The following CHRDL2 variants were observed in gnomAD, a reference collection of about 807,000 sequenced individuals.
CHRDL2 encodes chordin like 2.
CHRDL2 carries 41 observed loss-of-function variants against 54.3 expected under a neutral mutation model. That is an observed-to-expected ratio of 0.76 (90% confidence interval 0.59 to 0.98). CHRDL2 has a LOEUF of 0.98. CHRDL2 is among the 50% of genes least tolerant of loss of function. The pLI is 0.00. For synonymous variants in CHRDL2, 220 were observed against 224.3 expected (o/e 0.98, Z 0.17); for missense variants, 518 against 562.4 (o/e 0.92, Z 0.80).
At chr11:74,706,642 C>T in intron 5 of CHRDL2, 100 bp from the exon 6 acceptor site, 1 of 1,135,486 alleles carries the variant, frequency 8.8e-7, no homozygotes, top group Non-Finnish European at 1.3e-6. Context: ...TTCCCAAGGC[C>T]TGCTGTCCCA....
At position 74,700,637 on chromosome 11, in the gene CHRDL2, A is replaced by AT. The variant is rs1478150277; in HGVS notation, c.1120+2156dup. On this transcript the variant is annotated intron_variant, in intron 9 of 10. Coordinates refer to ENST00000376332, the MANE Select transcript of CHRDL2 (RefSeq NM_001278473.3). ...GAATCTTTTTTTTATTATTATTATTATTATTATTTTTTTTTTTTTGAGACG... is the reference window on the plus strand; with the variant it reads ...GAATCTTTTTTTTATTATTATTATTATTTATTATTTTTTTTTTTTTGAGACG... Among the ~76,000 whole-genome samples, 67 of 139,634 alleles carry AT rather than the reference A, an allele frequency of 4.8e-4. 1 individual carries two copies. Among genetic ancestry groups the AT allele is most frequent in the African/African-American group, 1.5e-3 (57 of 37,554 alleles). The allele number at this position is 139,634 out of a possible 152,430, so 91.6% of individuals were successfully genotyped here.
At chr11:74,714,124 G>A (rs893238961) in intron 2 of CHRDL2, among the ~76,000 whole-genome samples, 7 of 152,058 alleles carry the variant, frequency 4.6e-5, no homozygotes, top group Admixed American at 2.0e-4. Context: ...ACCACCCCTC[G>A]TGGGGGTCTT....
intron 1 of CHRDL2, among the ~76,000 whole-genome samples, chr11:74,721,691 G>A (rs2034502716): frequency 6.6e-6 from 1 of 152,262 alleles, no homozygotes; most frequent in Admixed American, 6.5e-5. Flanking sequence ...CCCAACCCTT[G>A]AACATGGCTG....
At chr11:74,706,351 A>T (rs11236223) in intron 6 of CHRDL2, 136 bp downstream of exon 6, 9,019 of 775,324 alleles carry the variant, frequency 0.012, 84 homozygotes, top group South Asian at 0.028. Flanking sequence ...AATATAGTGG[A>T]TGTTCATGTA....
chr11:74,708,513 G>A lies in CHRDL2; in HGVS notation c.433-118C>T, dbSNP rs956563092. On this transcript the variant is annotated intron_variant, in intron 4 of 10. Transcript: ENST00000376332. ...TTGAGGTCTCTCCTATGGTGGGGAG[G>A]GGAAGCAACAGCATCTCCACAGCAA... 2.2e-5 allele frequency: 16 copies of A among 720,014 alleles called. No individual in the cohort carries two copies. In the African/African-American group the frequency reaches 2.8e-4, roughly 13 times the overall value. 44.6% of individuals were successfully genotyped at this position (720,014 alleles called of 1,614,324 possible).
rs138974099 is a variant in CHRDL2, at chr11:74,723,633, G to T, written c.83-4801C>A. On this transcript the variant is annotated intron_variant, in intron 1 of 10. Coordinates refer to ENST00000376332, the MANE Select transcript of CHRDL2 (RefSeq NM_001278473.3). ...TGGTGCCATTATGAAGTAAAATAAG[G>T]GTTCCTTGAACACAAGCCTTGCAAT... Among the ~76,000 whole-genome samples the T allele has an allele frequency of 4.0e-3, 601 of 152,094 alleles. 1 individual carries two copies. Among genetic ancestry groups the T allele is most frequent in the Non-Finnish European group, 7.0e-3 (479 of 67,978 alleles).
rs1297335796 is a variant in CHRDL2, at chr11:74,702,848, G to A, written c.1066C>T (p.Leu356=). Residue 356 remains leucine, a synonymous_variant, in exon 9 of 11, where the codon CTG becomes TTG. Transcript: ENST00000376332. ...PSPDNLRRFA[L]EHEASDLVEI... ...ACCAAGTCCGAGGCCTCGTGTTCCA[G>A]GGCAAAGCGACGCAGGTTGTCTGGG... is the stretch of plus-strand genomic sequence containing the variant. The A allele has an allele frequency of 1.2e-6, 2 of 1,614,042 alleles. No individual in the cohort carries two copies. The highest frequency in any genetic ancestry group is 1.6e-4 in the Middle Eastern group (1 of 6,082).
At position 74,703,363 on chromosome 11, in the gene CHRDL2, G is replaced by A. The variant is rs369568362; in HGVS notation, c.888C>T (p.Thr296=). ...RQDCQRVTCP[T]EYPCRHPEKV... ...TCTCGGGGTGACGGCAGGGGTACTC[G>A]GTGGGACAGGTCACACGCTGGCAGT... The change falls in exon 8 of 11, where the codon ACC becomes ACT. Residue 296 remains threonine, a synonymous_variant. Transcript: ENST00000376332. 1.1e-4 allele frequency: 184 copies of A among 1,613,594 alleles called. No homozygotes were observed. Among genetic ancestry groups the A allele is most frequent in the African/African-American group, 4.7e-4 (35 of 75,052 alleles).
intron 9 of CHRDL2, chr11:74,701,401 C>T (rs2033804647): frequency 2.0e-6 from 1 of 506,534 alleles, no homozygotes; most frequent in Non-Finnish European, 3.6e-6. Flanking sequence ...AACACAGCTG[C>T]TCCCTCTGCC....
chr11:74,704,429 G>GGGGGGGGGCC, intron 7 of CHRDL2, 57 bp downstream of exon 7: 1 of 1,482,494 alleles, frequency 6.7e-7, no homozygotes, highest in Non-Finnish European at 9.0e-7. Context: ...TGGGAGGTGG[G>GGGGGGGGGCC]AGCAGTCAGG....
chr11:74,722,983 A>T (rs2034521014), intron 1 of CHRDL2, among the ~76,000 whole-genome samples: 1 of 152,150 alleles, frequency 6.6e-6, no homozygotes, highest in Non-Finnish European at 1.5e-5. Context: ...GAGTTCCATG[A>T]TCAGATTTGC....
chr11:74,718,735 G>T lies in CHRDL2; in HGVS notation c.180C>A (p.Arg60=). The change falls in exon 2 of 11, where the codon CGC becomes CGA. Residue 60 remains arginine (R), a synonymous_variant. Transcript: ENST00000376332. The part of the protein sequence containing the change: ...LEPQGLMYCL[R]CTCSEGAHVS... ...AGGAACCTACCTCTGAGCAGGTACA[G>T]CGCAGGCAGTACATCAGGCCTTGTG... 6.2e-7 allele frequency: 1 copy of T among 1,612,580 alleles called. No homozygotes were observed. Among genetic ancestry groups the T allele is most frequent in the South Asian group, 1.1e-5 (1 of 90,852 alleles).
At chr11:74,698,230 A>ATT (rs10669554) in intron 9 of CHRDL2, 75,003 of 134,066 alleles carry the variant, frequency 0.56, 21,467 homozygotes, top group Non-Finnish European at 0.61. Context: ...CACCTGGCTA[A>ATT]TTTTTTTTTT....
chr11:74,717,696 G>A (rs1026696329), intron 2 of CHRDL2, among the ~76,000 whole-genome samples: 5 of 152,158 alleles, frequency 3.3e-5, no homozygotes, highest in Admixed American at 2.0e-4. Context: ...CCACCCCAGA[G>A]GGTTCTGTTT....
rs1565149925 is a variant in CHRDL2 at position 74,704,602 on chromosome 11, CCCGGG to C, written c.630_634del (p.Pro211HisfsTer37). Reference sequence around the variant, plus strand: ...GCTGAGGCCAGTGGGGGCTGGGGTGCCCGGGCCTCTCTTTCTCCCAGCATCACTGG... The same window carrying C: ...GCTGAGGCCAGTGGGGGCTGGGGTGCCCTCTCTTTCTCCCAGCATCACTGG... On this transcript the variant is annotated frameshift_variant, in exon 7 of 11. Transcript: ENST00000376332. LOFTEE classifies it high-confidence loss of function. 2 of 1,601,894 alleles carry C rather than the reference CCCGGG, an allele frequency of 1.2e-6. No individual in the cohort carries two copies. Among genetic ancestry groups the C allele is most frequent in the Admixed American group, 3.5e-5 (2 of 57,868 alleles).
Position 74,710,973 on chromosome 11 carries a change from C to G in CHRDL2, c.308G>C (p.Gly103Ala). Residue 103 changes from glycine (G) to alanine (A), a missense_variant, in exon 4 of 11, where the codon GGA becomes GCA. Gly to Ala is a moderately conservative substitution (Grantham distance 60). Coordinates refer to ENST00000376332, the MANE Select transcript of CHRDL2 (RefSeq NM_001278473.3). ...GCAGGACTTTGGTGGGGCCCGGAGT[C>G]CAGAGGGAGTGTGAGGTTCTGCAGT... The part of the protein sequence containing the change: ...PKCVEPHTPS[G>A]LRAPPKSCQH... The G allele has an allele frequency of 6.2e-7, 1 of 1,613,530 alleles. No individual in the cohort carries two copies. Among genetic ancestry groups the G allele is most frequent in the Non-Finnish European group, 8.5e-7 (1 of 1,179,786 alleles).
intron 10 of CHRDL2, 23 bp from the exon 11 acceptor site, chr11:74,696,608 G>A (rs752754207): frequency 6.4e-7 from 1 of 1,571,178 alleles, no homozygotes; most frequent in Admixed American, 1.7e-5. Flanking sequence ...GGGCAGAAGA[G>A]GGAAGAGGCG....
At chr11:74,708,492 G>A in intron 4 of CHRDL2, 97 bp from the exon 5 acceptor site, 1 of 895,500 alleles carries the variant, frequency 1.1e-6, no homozygotes, top group Non-Finnish European at 1.7e-6. Flanking sequence ...ATGGCCTTGA[G>A]GTCTCTCCTA....
chr11:74,710,754 G>T, intron 4 of CHRDL2, 95 bp downstream of exon 4: 1 of 1,449,294 alleles, frequency 6.9e-7, no homozygotes, highest in Non-Finnish European at 9.2e-7. Context: ...GCTTTGGCCA[G>T]GAGGAACAAT....
Sources: allele counts gnomAD v4.1 joint callset (sites outside exome capture counted in the v4.1 genomes callset), GRCh38; gene constraint gnomAD v4.1.1; transcripts MANE v1.5; gene names NCBI Gene and HGNC (gene_info 2026-07-23, HGNC 2026-07-21).